The following NUP62CL variants were observed in gnomAD, a reference collection of about 807,000 sequenced individuals.
NUP62CL encodes nucleoporin-62 C-terminal-like protein.
Under a neutral mutation model 15.3 loss-of-function variants are expected in NUP62CL, and 13 were observed. That is an observed-to-expected ratio of 0.85 (90% confidence interval 0.55 to 1.35). The LOEUF (loss-of-function observed/expected upper bound fraction) is 1.35. Among genes scored for constraint, NUP62CL ranks in the 40% most tolerant of loss-of-function variants. NUP62CL has a pLI of 0.00. For synonymous variants in NUP62CL, 54 were observed against 49.2 expected, an observed-to-expected ratio of 1.10 and a Z score of -0.41; for missense variants, 123 against 130.6, an observed-to-expected ratio of 0.94 and a Z score of 0.28.
chrX:107,158,223 G>C (rs1232656551), intron 4 of NUP62CL, among the ~76,000 whole-genome samples: 8 of 62,245 alleles, frequency 1.3e-4, no homozygotes, highest in African/African-American at 3.3e-4. Context: ...AGATCAACGA[G>C]ACAGAAAGTC....
intron 3 of NUP62CL, among the ~76,000 whole-genome samples, chrX:107,168,871 C>G (rs1188591721): frequency 8.9e-6 from 1 of 112,111 alleles, no homozygotes; most frequent in Non-Finnish European, 1.9e-5. Context: ...ACTGACTACT[C>G]TGAGGGAGGC....
chrX:107,149,198 T>G (rs903032392), intron 7 of NUP62CL, among the ~76,000 whole-genome samples: 4 of 112,057 alleles, frequency 3.6e-5, no homozygotes, highest in African/African-American at 1.3e-4. Context: ...AGTTACTTGA[T>G]TGAGAACACT....
chrX:107,156,405 G>A (rs1926191956), intron 4 of NUP62CL, among the ~76,000 whole-genome samples: 1 of 102,712 alleles, frequency 9.7e-6, no homozygotes, highest in Non-Finnish European at 2.0e-5. Context: ...AGAGAGCAGT[G>A]GTTCTCCCAG....
intron 8 of NUP62CL, among the ~76,000 whole-genome samples, chrX:107,128,558 G>A (rs1457136419): frequency 3.6e-5 from 4 of 111,753 alleles, no homozygotes; most frequent in Non-Finnish European, 5.6e-5. Flanking sequence ...ACAAATAACT[G>A]CAATATTATA....
chrX:107,130,766 G>T (rs1925495779), intron 8 of NUP62CL, among the ~76,000 whole-genome samples: 1 of 111,622 alleles, frequency 9.0e-6, no homozygotes, highest in African/African-American at 3.3e-5. Context: ...AGTAAATAAA[G>T]AAATAAGACT....
chrX:107,195,543 C>T (rs1927342840), intron 1 of NUP62CL, among the ~76,000 whole-genome samples: 1 of 112,340 alleles, frequency 8.9e-6, no homozygotes, highest in African/African-American at 3.2e-5. Context: ...AAAAAATGTA[C>T]CTCTTTAAAT....
At chrX:107,177,794 C>T (rs1244939359) in intron 2 of NUP62CL, among the ~76,000 whole-genome samples, 1 of 111,393 alleles carries the variant, frequency 9.0e-6, no homozygotes. Flanking sequence ...CTGGCATTTC[C>T]TCAATGCGCT....
chrX:107,166,054 T>C (rs146459449), intron 4 of NUP62CL, among the ~76,000 whole-genome samples: 1,131 of 111,801 alleles, frequency 0.01, 8 homozygotes, highest in Middle Eastern at 0.018. Context: ...GAAAATGTGA[T>C]AAACTGTAAC....
intron 4 of NUP62CL, among the ~76,000 whole-genome samples, chrX:107,155,310 A>G (rs1247862551): frequency 5.3e-5 from 6 of 112,314 alleles, no homozygotes; most frequent in African/African-American, 1.9e-4. Context: ...AGTTGACATT[A>G]TGCTTCTTCT....
intron 8 of NUP62CL, among the ~76,000 whole-genome samples, chrX:107,146,706 T>G (rs2147796319): frequency 9.0e-6 from 1 of 111,675 alleles, no homozygotes; most frequent in Non-Finnish European, 1.9e-5. Context: ...TATAATCTGT[T>G]ACTACTACTA....
At chrX:107,124,460 G>A (rs959763744) in intron 8 of NUP62CL, 128 bp from the exon 9 acceptor site, 2 of 287,933 alleles carry the variant, frequency 6.9e-6, no homozygotes, top group Non-Finnish European at 1.3e-5. Flanking sequence ...TTACGTTTTA[G>A]AAAACACATA....
intron 8 of NUP62CL, among the ~76,000 whole-genome samples, chrX:107,140,483 A>C (rs759809447): frequency 8.9e-6 from 1 of 111,766 alleles, no homozygotes; most frequent in South Asian, 3.8e-4. Context: ...TGGCATCTAA[A>C]AGAACATCTT....
intron 8 of NUP62CL, among the ~76,000 whole-genome samples, chrX:107,142,946 C>A (rs1925807557): frequency 9.0e-6 from 1 of 111,694 alleles, no homozygotes; most frequent in African/African-American, 3.3e-5. Context: ...TCCCAATTAT[C>A]TAGACTGATC....
intron 2 of NUP62CL, among the ~76,000 whole-genome samples, chrX:107,189,909 GA>G (rs928044371): frequency 2.9e-5 from 3 of 102,450 alleles, no homozygotes; most frequent in African/African-American, 1.1e-4. Flanking sequence ...AAGAAAGAAA[GA>G]AAGAAAGAAA....
intron 4 of NUP62CL, among the ~76,000 whole-genome samples, chrX:107,156,079 A>C (rs896488399): frequency 1.8e-5 from 2 of 110,670 alleles, no homozygotes; most frequent in African/African-American, 6.7e-5. Flanking sequence ...GACCGGCTTA[A>C]AAAACGGCGC....
In NUP62CL at chrX:107,189,613, A is replaced by AAATAATAATAATAATAATAATAATAAT. The variant is rs112376938; in HGVS notation, c.-48+3415_-48+3416insATTATTATTATTATTATTATTATTATT. On this transcript the variant is annotated intron_variant, in intron 2 of 8. Transcript: ENST00000372466. ...CAACATGGTGAAACCCCGTCCCTAC[A>AAATAATAATAATAATAATAATAATAAT]AATAATAATAATAATAATAATAAAT... Among the ~76,000 whole-genome samples, 3 of 99,875 alleles carry AAATAATAATAATAATAATAATAATAAT rather than the reference A, an allele frequency of 3.0e-5. No individual in the cohort carries two copies. The East Asian group carries it at 9.6e-4, about 32-fold the overall frequency. 86.7% of individuals were successfully genotyped at this position (99,875 alleles called of 115,157 possible). A position where few individuals can be genotyped will look rare whatever the true frequency, so the allele number is the denominator to read the frequency against.
At chrX:107,149,130 A>G (rs1283024570) in intron 7 of NUP62CL, among the ~76,000 whole-genome samples, 1 of 111,807 alleles carries the variant, frequency 8.9e-6, no homozygotes, top group Admixed American at 9.6e-5. Context: ...AAAATAAAAT[A>G]AAACAATCCA....
intron 4 of NUP62CL, among the ~76,000 whole-genome samples, chrX:107,165,266 C>T (rs1178448375): frequency 2.7e-5 from 3 of 109,508 alleles, no homozygotes; most frequent in Non-Finnish European, 5.7e-5. Context: ...GATCTTGACA[C>T]TGCACTCTAG....
chrX:107,152,187 GAT>G (rs762237312), intron 7 of NUP62CL, among the ~76,000 whole-genome samples: 1 of 77,452 alleles, frequency 1.3e-5, no homozygotes, highest in Non-Finnish European at 2.4e-5. Context: ...TATATATTCA[GAT>G]ATATATATAT....
Sources: gnomAD v4.1 joint callset for allele counts (sites outside exome capture counted in the v4.1 genomes callset) on GRCh38, gnomAD v4.1.1 for gene constraint, MANE v1.5 for transcripts, NCBI Gene and HGNC (gene_info 2026-07-23, HGNC 2026-07-21) for gene names.